Variants in ETFA observed in about 807,000 individuals in gnomAD.
ETFA encodes electron transfer flavoprotein subunit alpha, mitochondrial.
A neutral mutation model predicts 46.2 loss-of-function variants in ETFA; 22 were observed. The observed-to-expected ratio is 0.48, with a 90% confidence interval of 0.34 to 0.68. The LOEUF (loss-of-function observed/expected upper bound fraction) is 0.68, where lower values mean the gene tolerates loss of function less well. Ranked by LOEUF, ETFA falls within the 30% of genes least tolerant of loss-of-function variation. The pLI is 0.01. For synonymous variants in ETFA, 131 were observed against 139.9 expected (o/e 0.94, Z 0.45); for missense variants, 345 against 401.1 (o/e 0.86, Z 1.19).
At position 76,287,896 on chromosome 15, in the gene ETFA, T is replaced by C. The variant is rs562001197; in HGVS notation, c.401A>G (p.Asp134Gly). Reference protein sequence around the residue: ...AAKLEVAPISDIIAIKSPDTF... With the variant: ...AAKLEVAPISGIIAIKSPDTF... ...GTCAGGTGACTTGATTGCAATGATG[T>C]CAGAAATCGGGGCAACCTCAAGTTT... Residue 134 changes from aspartate to glycine, a missense_variant, in exon 5 of 12, where the codon GAC (aspartate) becomes GGC (glycine). Physicochemically the swap from Asp to Gly is moderately conservative, Grantham distance 94. Coordinates refer to ENST00000557943, the MANE Select transcript of ETFA (RefSeq NM_000126.4). 3 of 1,614,082 alleles carry C rather than the reference T, an allele frequency of 1.9e-6. No homozygotes were observed. The highest frequency in any genetic ancestry group is 1.1e-5 in the South Asian group (1 of 91,086).
chr15:76,290,135 G>A (rs886507524), intron 4 of ETFA, among the ~76,000 whole-genome samples: 31 of 152,090 alleles, frequency 2.0e-4, no homozygotes, highest in Non-Finnish European at 5.9e-5. Context: ...CATAGCATTT[G>A]ACTCAGTGAT....
chr15:76,224,446 C>T (rs2038985416), intron 11 of ETFA, among the ~76,000 whole-genome samples: 1 of 152,214 alleles, frequency 6.6e-6, no homozygotes, highest in South Asian at 2.1e-4. Context: ...AGAGCCCCAT[C>T]CTAGTCTTTG....
At chr15:76,269,922 TA>T in intron 9 of ETFA, among the ~76,000 whole-genome samples, 1 of 152,134 alleles carries the variant, frequency 6.6e-6, no homozygotes, top group Non-Finnish European at 1.5e-5. Context: ...GCAATTCAAC[TA>T]AAAAAGGGCA....
intron 5 of ETFA, among the ~76,000 whole-genome samples, chr15:76,287,036 A>AT (rs147918951): frequency 0.024 from 3,648 of 152,342 alleles, 144 homozygotes; most frequent in African/African-American, 0.084. Flanking sequence ...GTCTAATTTC[A>AT]GAATTAGCCA....
chr15:76,260,550 G>A, intron 9 of ETFA: 1 of 1,486,728 alleles, frequency 6.7e-7, no homozygotes, highest in Admixed American at 1.8e-5. Flanking sequence ...GCCCTTTTGG[G>A]GATCCCAGCC....
At chr15:76,289,210 A>C (rs2141535382) in intron 4 of ETFA, among the ~76,000 whole-genome samples, 1 of 152,228 alleles carries the variant, frequency 6.6e-6, no homozygotes, top group East Asian at 1.9e-4. Context: ...CTGGGATTAC[A>C]GACATGAGCC....
At chr15:76,301,061 AGAT>A (rs2039875461) in intron 1 of ETFA, among the ~76,000 whole-genome samples, 1 of 152,206 alleles carries the variant, frequency 6.6e-6, no homozygotes, top group South Asian at 2.1e-4. Flanking sequence ...TGTAAAATGG[AGAT>A]GATGATAATA....
chr15:76,218,443 G>C (rs1490316739), intron 11 of ETFA, among the ~76,000 whole-genome samples: 2 of 152,076 alleles, frequency 1.3e-5, no homozygotes, highest in African/African-American at 4.8e-5. Context: ...AATTTTTTTT[G>C]TATTTTTAGT....
At chr15:76,300,229 A>ATGGTTAC (rs1173196736) in intron 1 of ETFA, among the ~76,000 whole-genome samples, 1 of 152,186 alleles carries the variant, frequency 6.6e-6, no homozygotes, top group African/African-American at 2.4e-5. Context: ...GACTTATAAT[A>ATGGTTAC]TGGTTACATC....
intron 1 of ETFA, among the ~76,000 whole-genome samples, chr15:76,306,892 T>G (rs1428364977): frequency 6.6e-6 from 1 of 152,214 alleles, no homozygotes; most frequent in Non-Finnish European, 1.5e-5. Flanking sequence ...ATTCACCTTA[T>G]GCAATAAATT....
At chr15:76,291,709 C>T (rs1040452375) in intron 4 of ETFA, among the ~76,000 whole-genome samples, 1 of 133,218 alleles carries the variant, frequency 7.5e-6, no homozygotes, top group Admixed American at 7.1e-5. Context: ...CGAGATGGCG[C>T]CACTGCACTC....
At chr15:76,224,082 G>C (rs1015648453) in intron 11 of ETFA, among the ~76,000 whole-genome samples, 1 of 152,178 alleles carries the variant, frequency 6.6e-6, no homozygotes, top group Non-Finnish European at 1.5e-5. Flanking sequence ...GGTTCAGAAA[G>C]TATTTAATTT....
chr15:76,224,076 C>A (rs543209401), intron 11 of ETFA, among the ~76,000 whole-genome samples: 1 of 152,250 alleles, frequency 6.6e-6, no homozygotes, highest in East Asian at 1.9e-4. Context: ...GGATGAGGTT[C>A]AGAAAGTATT....
At chr15:76,307,425 G>T (rs2039948856) in intron 1 of ETFA, among the ~76,000 whole-genome samples, 1 of 151,272 alleles carries the variant, frequency 6.6e-6, no homozygotes, top group Admixed American at 6.6e-5. Context: ...GCAAGTCATT[G>T]AACTTATATC....
chr15:76,288,839 T>A (rs994368404), intron 4 of ETFA, among the ~76,000 whole-genome samples: 2 of 151,784 alleles, frequency 1.3e-5, no homozygotes, highest in Non-Finnish European at 2.9e-5. Flanking sequence ...TAGATGCATG[T>A]GCTAACTTTG....
intron 9 of ETFA, among the ~76,000 whole-genome samples, chr15:76,267,347 C>T (rs1441909898): frequency 1.3e-5 from 2 of 152,166 alleles, no homozygotes; most frequent in Non-Finnish European, 2.9e-5. Flanking sequence ...GGATATGATC[C>T]AAATCAGATT....
intron 11 of ETFA, among the ~76,000 whole-genome samples, chr15:76,221,648 A>G (rs1008057174): frequency 2.6e-5 from 4 of 152,232 alleles, no homozygotes; most frequent in Non-Finnish European, 5.9e-5. Flanking sequence ...TAGGTACAGT[A>G]TAATCTCATT....
chr15:76,301,877 G>A (rs180743377), intron 1 of ETFA, among the ~76,000 whole-genome samples: 62 of 152,264 alleles, frequency 4.1e-4, no homozygotes, highest in African/African-American at 1.3e-3. Context: ...GATTTAAATA[G>A]GGGGAAAGGA....
chr15:76,293,830 AC>A (rs781627586), intron 2 of ETFA, among the ~76,000 whole-genome samples: 1 of 152,250 alleles, frequency 6.6e-6, no homozygotes, highest in Non-Finnish European at 1.5e-5. Context: ...TACCATTTGT[AC>A]TACAGAGGCC....
Sources: allele counts gnomAD v4.1 joint callset (sites outside exome capture counted in the v4.1 genomes callset), GRCh38; gene constraint gnomAD v4.1.1; transcripts MANE v1.5; gene names NCBI Gene and HGNC (gene_info 2026-07-23, HGNC 2026-07-21).